ULK4: variants seen among roughly 807,000 people sequenced by gnomAD.
ULK4 encodes the protein unc-51 like kinase 4.
A neutral mutation model predicts 160.6 loss-of-function variants in ULK4; 133 were observed. That is an observed-to-expected ratio of 0.83 (90% confidence interval 0.72 to 0.96). The LOEUF (loss-of-function observed/expected upper bound fraction) is 0.96, where lower values mean the gene tolerates loss of function less well. ULK4 is among the 40% of genes least tolerant of loss of function. The probability of loss-of-function intolerance (pLI) is 0.00; values close to 1 mark genes in which losing one functional copy is unlikely to be tolerated. For missense variants in ULK4, 1,580 were observed against 1,499.5 expected (o/e 1.05, Z -0.89); for synonymous variants, 534 against 539.8 (o/e 0.99, Z 0.15).
intron 21 of ULK4, among the ~76,000 whole-genome samples, chr3:41,763,006 C>A (rs1193286547): frequency 6.6e-6 from 1 of 152,060 alleles, no homozygotes; most frequent in Non-Finnish European, 1.5e-5. Context: ...TGAGAACTCA[C>A]TCACTATCAC....
At chr3:41,689,325 C>T (rs915117365) in intron 27 of ULK4, among the ~76,000 whole-genome samples, 1 of 152,210 alleles carries the variant, frequency 6.6e-6, no homozygotes, top group African/African-American at 2.4e-5. Context: ...ATTTAGAAGA[C>T]TCACAAATTC....
At chr3:41,794,216 C>G (rs565968446) in intron 20 of ULK4, among the ~76,000 whole-genome samples, 1 of 152,286 alleles carries the variant, frequency 6.6e-6, no homozygotes, top group Non-Finnish European at 1.5e-5. Context: ...ACAAGTGGAA[C>G]AACATGTAGA....
intron 2 of ULK4, among the ~76,000 whole-genome samples, chr3:41,944,489 C>A (rs571813604): frequency 5.9e-5 from 9 of 152,214 alleles, no homozygotes; most frequent in South Asian, 4.1e-4. Flanking sequence ...CCTGATAATT[C>A]TTTCCATCTC....
intron 17 of ULK4, chr3:41,859,342 C>A: frequency 1.7e-6 from 1 of 593,506 alleles, no homozygotes. Flanking sequence ...TAGAGCACAT[C>A]TTCCTCCTCA....
chr3:41,545,024 C>T (rs1413786469), intron 32 of ULK4, among the ~76,000 whole-genome samples: 1 of 152,154 alleles, frequency 6.6e-6, no homozygotes, highest in Admixed American at 6.5e-5. Context: ...TGTTGCAAGC[C>T]TGTGGTAACT....
In ULK4 at chr3:41,770,491, T is replaced by C. The variant is rs145258944; in HGVS notation, c.2194-16003A>G. Among the ~76,000 whole-genome samples the C allele has an allele frequency of 9.5e-3, 1,447 of 151,572 alleles. 5 individuals are homozygous for C. The highest frequency in any genetic ancestry group is 0.016 in the Non-Finnish European group (1,085 of 67,974). On this transcript the variant is annotated intron_variant, in intron 21 of 36. Transcript: ENST00000301831. ...TACCAAAAATTGTGTAACGTATACATTGATTTTATAGAAAGATACTTTTTT... is the reference window on the plus strand; with the variant it reads ...TACCAAAAATTGTGTAACGTATACACTGATTTTATAGAAAGATACTTTTTT...
chr3:41,717,602 G>C, intron 23 of ULK4, 126 bp downstream of exon 23: 1 of 1,189,318 alleles, frequency 8.4e-7, no homozygotes, highest in Non-Finnish European at 1.2e-6. Context: ...CTACATATTC[G>C]TTAAAAAGTG....
intron 19 of ULK4, among the ~76,000 whole-genome samples, chr3:41,818,926 T>C (rs556931158): frequency 6.6e-6 from 1 of 152,354 alleles, no homozygotes; most frequent in South Asian, 2.1e-4. Flanking sequence ...TAACAATTGC[T>C]TAAGAAATGA....
intron 2 of ULK4, among the ~76,000 whole-genome samples, chr3:41,945,057 T>A (rs561191594): frequency 3.3e-5 from 5 of 152,314 alleles, no homozygotes; most frequent in African/African-American, 1.2e-4. Flanking sequence ...CTAGGCTCAA[T>A]TTCTGGAAAG....
chr3:41,752,450 C>T (rs1360584938), intron 22 of ULK4, among the ~76,000 whole-genome samples: 2 of 152,152 alleles, frequency 1.3e-5, no homozygotes. Flanking sequence ...CATGAAACAT[C>T]ACACTTCAAG....
At chr3:41,400,054 G>A (rs2082147260) in intron 34 of ULK4, among the ~76,000 whole-genome samples, 2 of 152,136 alleles carry the variant, frequency 1.3e-5, no homozygotes, top group South Asian at 4.2e-4. Context: ...TGAGATATTT[G>A]TAGGTTTGTA....
intron 21 of ULK4, among the ~76,000 whole-genome samples, chr3:41,765,956 C>T (rs9865127): frequency 0.32 from 48,074 of 152,072 alleles, 11,165 homozygotes; most frequent in African/African-American, 0.66. Flanking sequence ...TAGTCAAAGA[C>T]ACACAAAGTT....
intron 20 of ULK4, among the ~76,000 whole-genome samples, chr3:41,792,276 G>C (rs182163797): frequency 1.6e-4 from 25 of 152,200 alleles, no homozygotes; most frequent in Non-Finnish European, 3.2e-4. Flanking sequence ...AAAATTTTGA[G>C]AGGTAGGGGT....
intron 32 of ULK4, among the ~76,000 whole-genome samples, chr3:41,564,751 ACCC>A (rs2087729421): frequency 6.6e-6 from 1 of 151,550 alleles, no homozygotes; most frequent in Non-Finnish European, 1.5e-5. Flanking sequence ...GAGCCACTGC[ACCC>A]GGCCATAAAA....
At chr3:41,594,606 G>A (rs2031564220) in intron 31 of ULK4, among the ~76,000 whole-genome samples, 1 of 152,184 alleles carries the variant, frequency 6.6e-6, no homozygotes, top group Non-Finnish European at 1.5e-5. Flanking sequence ...GGGGTGAATG[G>A]TATGAGATGG....
intron 4 of ULK4, among the ~76,000 whole-genome samples, chr3:41,935,202 T>C (rs1461436315): frequency 1.4e-4 from 1 of 7,310 alleles, no homozygotes; most frequent in African/African-American, 1.6e-4. Flanking sequence ...TTTTTATTTA[T>C]TTATTTATTT....
chr3:41,919,020 T>G (rs1460044848), intron 6 of ULK4, among the ~76,000 whole-genome samples: 1 of 152,178 alleles, frequency 6.6e-6, no homozygotes, highest in African/African-American at 2.4e-5. Context: ...GCCTATATAT[T>G]TCTCTTACTT....
intron 35 of ULK4, among the ~76,000 whole-genome samples, chr3:41,363,377 A>G (rs1238141677): frequency 6.6e-6 from 1 of 152,244 alleles, no homozygotes; most frequent in African/African-American, 2.4e-5. Flanking sequence ...AGTCAGACAC[A>G]GCAAGGCAGA....
intron 31 of ULK4, among the ~76,000 whole-genome samples, chr3:41,598,882 G>T (rs775054722): frequency 6.6e-6 from 1 of 152,204 alleles, no homozygotes; most frequent in Non-Finnish European, 1.5e-5. Context: ...AGTTCTAGAC[G>T]TCAGAGGTCT....
Sources: gnomAD v4.1 joint callset for allele counts (sites outside exome capture counted in the v4.1 genomes callset) on GRCh38, gnomAD v4.1.1 for gene constraint, MANE v1.5 for transcripts, NCBI Gene and HGNC (gene_info 2026-07-23, HGNC 2026-07-21) for gene names.